Variants in SLC9A7 observed in about 807,000 individuals in gnomAD.
SLC9A7 encodes the protein solute carrier family 9 member A7, also known as sodium/hydrogen exchanger 7.
A neutral mutation model predicts 52.6 loss-of-function variants in SLC9A7; 19 were observed. That is an observed-to-expected ratio of 0.36 (90% CI 0.25 to 0.53). SLC9A7 has a LOEUF of 0.53. Ranked by LOEUF, SLC9A7 falls within the 20% of genes least tolerant of loss-of-function variation. The probability of loss-of-function intolerance (pLI) is 0.91; values close to 1 mark genes in which losing one functional copy is unlikely to be tolerated. For synonymous variants in SLC9A7, 226 were observed against 252.1 expected (o/e 0.90, Z 0.98); for missense variants, 455 against 597.9 (o/e 0.76, Z 2.49).
chrX:46,710,693 T>C (rs1203044845), intron 1 of SLC9A7, among the ~76,000 whole-genome samples: 2 of 111,680 alleles, frequency 1.8e-5, no homozygotes, highest in African/African-American at 6.5e-5. Flanking sequence ...ATGTAACCAC[T>C]GATAAAGGAA....
intron 2 of SLC9A7, among the ~76,000 whole-genome samples, chrX:46,680,419 C>T (rs1403858468): frequency 2.7e-5 from 3 of 110,732 alleles, no homozygotes; most frequent in East Asian, 2.8e-4. Flanking sequence ...AAGATGCCGT[C>T]GTGATTCTTT....
chrX:46,633,336 T>TAAAAAAAAAAAAAAAAAAAAAAAA (rs397836432), intron 13 of SLC9A7, among the ~76,000 whole-genome samples: 1 of 8,123 alleles, frequency 1.2e-4, no homozygotes, highest in South Asian at 5.2e-3. Context: ...TTGCTGCTGC[T>TAAAAAAAAAAAAAAAAAAAAAAAA]AAAAAAAAAA....
chrX:46,641,224 G>C (rs767163675), intron 12 of SLC9A7, among the ~76,000 whole-genome samples: 1 of 112,066 alleles, frequency 8.9e-6, no homozygotes, highest in Admixed American at 9.4e-5. Flanking sequence ...GGCCCACCTT[G>C]GAATGCTACT....
chrX:46,735,675 A>C (rs1408600975), intron 1 of SLC9A7, among the ~76,000 whole-genome samples: 1 of 111,439 alleles, frequency 9.0e-6, no homozygotes, highest in Non-Finnish European at 1.9e-5. Context: ...TGCTGGCAAT[A>C]AATTCCCTCA....
chrX:46,649,799 C>T (rs1380335147), intron 10 of SLC9A7, among the ~76,000 whole-genome samples: 1 of 112,500 alleles, frequency 8.9e-6, no homozygotes, highest in Non-Finnish European at 1.9e-5. Context: ...CATTCCATCC[C>T]AGAAGAGAAA....
intron 1 of SLC9A7, among the ~76,000 whole-genome samples, chrX:46,690,496 T>G (rs1944366487): frequency 8.9e-6 from 1 of 112,153 alleles, no homozygotes; most frequent in South Asian, 3.7e-4. Flanking sequence ...TCCTTATATA[T>G]TCTAGATACA....
intron 1 of SLC9A7, among the ~76,000 whole-genome samples, chrX:46,694,425 C>A (rs1944421521): frequency 9.0e-6 from 1 of 110,989 alleles, no homozygotes; most frequent in Non-Finnish European, 1.9e-5. Flanking sequence ...TTAAAATGGG[C>A]AAAAGATTAG....
At chrX:46,664,100 T>C (rs1265006150) in intron 5 of SLC9A7, among the ~76,000 whole-genome samples, 1 of 111,757 alleles carries the variant, frequency 8.9e-6, no homozygotes, top group East Asian at 2.8e-4. Context: ...CCGATCTAGA[T>C]ACATGCACGA....
intron 4 of SLC9A7, 51 bp from the exon 5 acceptor site, chrX:46,669,770 G>C: frequency 1.7e-6 from 1 of 603,718 alleles, no homozygotes; most frequent in Non-Finnish European, 2.6e-6. Context: ...AAGTAACTTA[G>C]CAAACACGCA....
chrX:46,740,745 T>G (rs1921283859), intron 1 of SLC9A7, among the ~76,000 whole-genome samples: 1 of 111,021 alleles, frequency 9.0e-6, no homozygotes, highest in African/African-American at 3.3e-5. Context: ...GATAGGGATG[T>G]CCACTATGGC....
At chrX:46,655,848 C>T (rs1943674378) in intron 7 of SLC9A7, among the ~76,000 whole-genome samples, 2 of 112,798 alleles carry the variant, frequency 1.8e-5, no homozygotes, top group Non-Finnish European at 3.8e-5. Flanking sequence ...AGCCGGGAAG[C>T]TCGAACTGGG....
rs771833424 is a variant in SLC9A7, at chrX:46,671,444, G to A, written c.680+1107C>T. Among the ~76,000 whole-genome samples the A allele has an allele frequency of 5.6e-5, 6 of 107,398 alleles. No homozygotes were observed. The South Asian group carries it at 2.5e-3, about 44-fold the overall frequency. The allele number at this position is 107,398 out of a possible 115,157, so 93.3% of individuals were successfully genotyped here. A position where few individuals can be genotyped will look rare whatever the true frequency, so the allele number is the denominator to read the frequency against. On this transcript the variant is annotated intron_variant, in intron 4 of 16. Coordinates refer to ENST00000616978, the MANE Select transcript of SLC9A7 (RefSeq NM_001257291.2). Reference sequence around the variant, plus strand: ...CCCGGCTAATTTTTTTTTTTTTTTGGATTTTTAGTAGAGACGGGGTTTCAC... The same window carrying A: ...CCCGGCTAATTTTTTTTTTTTTTTGAATTTTTAGTAGAGACGGGGTTTCAC...
At chrX:46,675,574 T>A (rs911675547) in intron 3 of SLC9A7, among the ~76,000 whole-genome samples, 7 of 112,308 alleles carry the variant, frequency 6.2e-5, no homozygotes, top group African/African-American at 2.3e-4. Context: ...ACTTTAGGCC[T>A]CAGAAGCAGG....
chrX:46,738,043 GAA>G (rs1945153330), intron 1 of SLC9A7, among the ~76,000 whole-genome samples: 1 of 14,540 alleles, frequency 6.9e-5, no homozygotes, highest in African/African-American at 1.8e-4. Context: ...AAGAAAGAAA[GAA>G]AGAAAGAAAG....
intron 7 of SLC9A7, among the ~76,000 whole-genome samples, chrX:46,654,336 T>C (rs1027458032): frequency 7.2e-5 from 8 of 110,631 alleles, no homozygotes; most frequent in Non-Finnish European, 1.3e-4. Flanking sequence ...TGAGCCAAGA[T>C]TGCACCACTG....
chrX:46,719,350 G>A (rs1944823635), intron 1 of SLC9A7, among the ~76,000 whole-genome samples: 1 of 109,021 alleles, frequency 9.2e-6, no homozygotes, highest in South Asian at 4.1e-4. Context: ...CGTAAATGAC[G>A]AGTTAATGGG....
chrX:46,623,039 C>T (rs1436603967), intron 14 of SLC9A7, among the ~76,000 whole-genome samples: 1 of 112,496 alleles, frequency 8.9e-6, no homozygotes, highest in Non-Finnish European at 1.9e-5. Flanking sequence ...GTGCCAGAAG[C>T]ATGATTAGGT....
chrX:46,700,760 A>G (rs972068258), intron 1 of SLC9A7, among the ~76,000 whole-genome samples: 9 of 112,188 alleles, frequency 8.0e-5, no homozygotes, highest in Non-Finnish European at 1.7e-4. Flanking sequence ...GGGAAACTGC[A>G]CATAGCTTCT....
At chrX:46,707,872 TGGGACTACAGGTGCACGCC>T (rs915772920) in intron 1 of SLC9A7, among the ~76,000 whole-genome samples, 2 of 112,263 alleles carry the variant, frequency 1.8e-5, no homozygotes, top group Non-Finnish European at 3.8e-5. Context: ...CCCAAGTAGC[TGGGACTACAGGTGCACGCC>T]ACCATGCCCA....
Sources: gnomAD v4.1 joint callset for allele counts (sites outside exome capture counted in the v4.1 genomes callset) on GRCh38, gnomAD v4.1.1 for gene constraint, MANE v1.5 for transcripts, NCBI Gene and HGNC (gene_info 2026-07-23, HGNC 2026-07-21) for gene names.